DNAH11: variants seen among roughly 807,000 people sequenced by gnomAD.
DNAH11 encodes the protein dynein axonemal heavy chain 11.
DNAH11 carries 442 observed loss-of-function variants against 526.0 expected under a neutral mutation model. That is an observed-to-expected ratio of 0.84 (90% confidence interval 0.78 to 0.91). DNAH11 has a LOEUF of 0.91. Among genes scored for constraint, DNAH11 ranks in the 40% least tolerant of loss-of-function variants. DNAH11 has a pLI of 0.00. For missense variants in DNAH11, 6,989 were observed against 5,448.7 expected (o/e 1.28, Z -8.90); for synonymous variants, 2,461 against 1,935.9 (o/e 1.27, Z -7.12).
At chr7:21,557,861 C>T (rs1225318427) in intron 2 of DNAH11, among the ~76,000 whole-genome samples, 3 of 152,196 alleles carry the variant, frequency 2.0e-5, no homozygotes, top group South Asian at 2.1e-4. Flanking sequence ...ATCTCACCTA[C>T]TGAGCTCACT....
At chr7:21,790,137 A>G (rs1016693706) in intron 61 of DNAH11, among the ~76,000 whole-genome samples, 1 of 151,990 alleles carries the variant, frequency 6.6e-6, no homozygotes, top group Non-Finnish European at 1.5e-5. Flanking sequence ...GGTACTTGGC[A>G]CATAGTAAGT....
chr7:21,775,081 C>T (rs1415859524), intron 56 of DNAH11, among the ~76,000 whole-genome samples: 3 of 152,170 alleles, frequency 2.0e-5, no homozygotes, highest in Non-Finnish European at 4.4e-5. Context: ...CCATGTCCTT[C>T]AGTCACTCTG....
intron 54 of DNAH11, among the ~76,000 whole-genome samples, chr7:21,761,453 G>A (rs1054989444): frequency 7.2e-5 from 11 of 152,006 alleles, no homozygotes; most frequent in South Asian, 2.1e-4. Context: ...TAGATTCTAC[G>A]CGTATTTAAC....
chr7:21,872,974 G>A (rs1337130320), intron 73 of DNAH11, among the ~76,000 whole-genome samples: 3 of 152,132 alleles, frequency 2.0e-5, no homozygotes, highest in Non-Finnish European at 2.9e-5. Context: ...CTCCATCTCA[G>A]AAGTGACTGG....
At chr7:21,564,465 A>G in intron 6 of DNAH11, 68 bp downstream of exon 6, 1 of 1,175,136 alleles carries the variant, frequency 8.5e-7, no homozygotes, top group Non-Finnish European at 1.2e-6. Context: ...GAGACTAGTG[A>G]AGAATAATCT....
At chr7:21,768,698 C>T (rs925421466) in intron 55 of DNAH11, among the ~76,000 whole-genome samples, 1 of 152,204 alleles carries the variant, frequency 6.6e-6, no homozygotes, top group Non-Finnish European at 1.5e-5. Flanking sequence ...TTGTGAAGGA[C>T]ATATTTTACT....
At chr7:21,739,714 A>G (rs751141489) in intron 48 of DNAH11, 41 bp downstream of exon 48, 5 of 1,473,198 alleles carry the variant, frequency 3.4e-6, no homozygotes, top group South Asian at 1.2e-5. Context: ...GTAGGTCTGT[A>G]TTGTATTGTT....
intron 57 of DNAH11, among the ~76,000 whole-genome samples, chr7:21,782,919 A>G (rs538048545): frequency 3.0e-4 from 22 of 74,372 alleles, no homozygotes; most frequent in Admixed American, 1.8e-3. Flanking sequence ...AAAAAAAAAA[A>G]AAAGAAAGAA....
At chr7:21,644,126 C>T (rs571840054) in intron 28 of DNAH11, among the ~76,000 whole-genome samples, 2 of 152,306 alleles carry the variant, frequency 1.3e-5, no homozygotes, top group South Asian at 2.1e-4. Context: ...AGACAGATGG[C>T]ACTCAACTGA....
At chr7:21,884,952 A>C (rs536227192) in intron 76 of DNAH11, among the ~76,000 whole-genome samples, 1 of 152,102 alleles carries the variant, frequency 6.6e-6, no homozygotes, top group Non-Finnish European at 1.5e-5. Context: ...AATGTGGTCA[A>C]TATGTATGTG....
chr7:21,707,484 G>A (rs367752310), intron 39 of DNAH11, among the ~76,000 whole-genome samples: 1 of 152,356 alleles, frequency 6.6e-6, no homozygotes. Context: ...AAAGAGTCAA[G>A]TGAACTGATT....
chr7:21,775,129 C>G (rs1787616234), intron 56 of DNAH11, among the ~76,000 whole-genome samples: 1 of 152,274 alleles, frequency 6.6e-6, no homozygotes, highest in Non-Finnish European at 1.5e-5. Context: ...TCTTAGTTTT[C>G]TATACCAAGA....
At chr7:21,549,062 A>G (rs922146211) in intron 2 of DNAH11, among the ~76,000 whole-genome samples, 2 of 152,064 alleles carry the variant, frequency 1.3e-5, no homozygotes, top group African/African-American at 4.8e-5. Context: ...TATTTTTAGT[A>G]GAGACAGGGT....
intron 70 of DNAH11, among the ~76,000 whole-genome samples, chr7:21,866,084 C>T (rs192762269): frequency 6.6e-6 from 1 of 152,240 alleles, no homozygotes; most frequent in African/African-American, 2.4e-5. Context: ...CATCCTGTGA[C>T]TTAGAATGCC....
intron 58 of DNAH11, among the ~76,000 whole-genome samples, chr7:21,785,950 A>G (rs1047941344): frequency 3.4e-4 from 52 of 152,224 alleles, no homozygotes; most frequent in African/African-American, 1.3e-3. Context: ...TTTTCAAATC[A>G]TGTATTAAAT....
chr7:21,707,136 T>C (rs1784298747), intron 39 of DNAH11, among the ~76,000 whole-genome samples: 1 of 152,156 alleles, frequency 6.6e-6, no homozygotes, highest in Non-Finnish European at 1.5e-5. Flanking sequence ...GTCAAGACAG[T>C]CTTTTCTTGA....
Position 21,894,814 on chromosome 7 carries a change from A to T in DNAH11, c.12933+9A>T. The T allele has an allele frequency of 6.2e-7, 1 of 1,609,350 alleles. No individual in the cohort carries two copies. Among genetic ancestry groups the T allele is most frequent in the Non-Finnish European group, 8.5e-7 (1 of 1,177,060 alleles). The stretch of plus-strand genomic sequence containing the variant: ...TGGACCTTAGTTTGAAGGTAAGCTT[A>T]AAGTGAGGCTATAGTAGACTTCAGC... On this transcript the variant is annotated intron_variant, in intron 78 of 81. Coordinates refer to ENST00000409508, the MANE Select transcript of DNAH11 (RefSeq NM_001277115.2).
intron 8 of DNAH11, among the ~76,000 whole-genome samples, chr7:21,572,183 G>T (rs755324328): frequency 6.6e-5 from 10 of 152,194 alleles, no homozygotes; most frequent in Non-Finnish European, 1.3e-4. Context: ...CAGAATGACG[G>T]CTGATAAAAC....
chr7:21,768,506 G>T (rs1037089784), intron 55 of DNAH11, among the ~76,000 whole-genome samples: 5 of 152,178 alleles, frequency 3.3e-5, no homozygotes, highest in African/African-American at 4.8e-5. Flanking sequence ...GTGTAGAGTA[G>T]ATCTGAGCAA....
Sources: gnomAD v4.1 joint callset for allele counts (sites outside exome capture counted in the v4.1 genomes callset) on GRCh38, gnomAD v4.1.1 for gene constraint, MANE v1.5 for transcripts, NCBI Gene and HGNC (gene_info 2026-07-23, HGNC 2026-07-21) for gene names.